Variants in SCD5 observed in about 807,000 individuals in gnomAD.
SCD5 encodes the protein acyl-CoA-desaturase 4.
Under a neutral mutation model 30.4 loss-of-function variants are expected in SCD5, and 20 were observed. The observed-to-expected ratio is 0.66, with a 90% CI of 0.46 to 0.96. The LOEUF (loss-of-function observed/expected upper bound fraction) is 0.96, where lower values mean the gene tolerates loss of function less well. Ranked by LOEUF, SCD5 falls within the 40% of genes least tolerant of loss-of-function variation. The pLI is 0.00. For synonymous variants in SCD5, 173 were observed against 176.4 expected (o/e 0.98, Z 0.16); for missense variants, 381 against 443.3 (o/e 0.86, Z 1.26).
At chr4:82,679,413 G>A (rs1471949160) in intron 3 of SCD5, among the ~76,000 whole-genome samples, 1 of 152,114 alleles carries the variant, frequency 6.6e-6, no homozygotes, top group Non-Finnish European at 1.5e-5. Context: ...GATGTACAGA[G>A]AAAACCCTAC....
chr4:82,656,641 G>C (rs1727873622), intron 3 of SCD5, among the ~76,000 whole-genome samples: 1 of 152,128 alleles, frequency 6.6e-6, no homozygotes, highest in Non-Finnish European at 1.5e-5. Flanking sequence ...GGGCCAAATG[G>C]TATTTCTGGC....
intron 1 of SCD5, among the ~76,000 whole-genome samples, chr4:82,768,387 A>C (rs1038738366): frequency 4.6e-5 from 7 of 152,200 alleles, no homozygotes; most frequent in Non-Finnish European, 1.0e-4. Flanking sequence ...TAATAGGATA[A>C]TAATTTTCAA....
intron 2 of SCD5, among the ~76,000 whole-genome samples, chr4:82,687,673 C>A (rs189924124): frequency 6.8e-4 from 103 of 152,264 alleles, no homozygotes; most frequent in Admixed American, 6.7e-3. Context: ...GATAACATAC[C>A]TAAGTGGGGT....
At chr4:82,725,934 G>A (rs1236247236) in intron 1 of SCD5, among the ~76,000 whole-genome samples, 1 of 152,168 alleles carries the variant, frequency 6.6e-6, no homozygotes, top group South Asian at 2.1e-4. Flanking sequence ...AATCCCATAG[G>A]AAGCAGGATT....
chr4:82,704,431 T>C (rs1301960338), intron 2 of SCD5, among the ~76,000 whole-genome samples: 1 of 152,168 alleles, frequency 6.6e-6, no homozygotes, highest in African/African-American at 2.4e-5. Context: ...AGATTAGGAA[T>C]TGGGAAAACA....
At chr4:82,785,184 T>C (rs1003694430) in intron 1 of SCD5, among the ~76,000 whole-genome samples, 5 of 152,174 alleles carry the variant, frequency 3.3e-5, no homozygotes, top group Non-Finnish European at 2.9e-5. Flanking sequence ...CAAAATACAC[T>C]ACTCTGGCAT....
At position 82,636,667 on chromosome 4, in the gene SCD5, G is replaced by A; in HGVS notation, c.726C>T (p.Ala242=). Residue 242 remains alanine, a synonymous_variant, in exon 4 of 5, where the codon GCC becomes GCT. Transcript: ENST00000319540. ...CATAGGGCCGGTTTCCATACATGTG[G>A]GCGGCGCTGTTGACCAGCCAGCTGA... is the stretch of plus-strand genomic sequence containing the variant. The part of the protein sequence containing the change: ...LNISWLVNSA[A]HMYGNRPYDK... 1.2e-6 allele frequency: 2 copies of A among 1,614,196 alleles called. No individual in the cohort carries two copies. The highest frequency in any genetic ancestry group is 1.7e-6 in the Non-Finnish European group (2 of 1,180,048).
At chr4:82,639,413 G>A (rs979189884) in intron 3 of SCD5, among the ~76,000 whole-genome samples, 1 of 152,242 alleles carries the variant, frequency 6.6e-6, no homozygotes, top group African/African-American at 2.4e-5. Flanking sequence ...ATGAGTTTCA[G>A]TGGATCCGAT....
At chr4:82,778,369 G>A (rs1721798159) in intron 1 of SCD5, among the ~76,000 whole-genome samples, 1 of 152,212 alleles carries the variant, frequency 6.6e-6, no homozygotes, top group Non-Finnish European at 1.5e-5. Context: ...TATTGCTACT[G>A]TAATGAACTG....
At chr4:82,755,377 G>A (rs1721213637) in intron 1 of SCD5, among the ~76,000 whole-genome samples, 1 of 152,058 alleles carries the variant, frequency 6.6e-6, no homozygotes, top group Admixed American at 6.5e-5. Context: ...GCACACGCCT[G>A]TAATTCCAGC....
At chr4:82,668,502 A>G (rs1269950059) in intron 3 of SCD5, among the ~76,000 whole-genome samples, 1 of 152,262 alleles carries the variant, frequency 6.6e-6, no homozygotes, top group Non-Finnish European at 1.5e-5. Flanking sequence ...CATCTTGAAC[A>G]TCACCTGACA....
chr4:82,660,971 A>T, intron 3 of SCD5: 2 of 1,614,202 alleles, frequency 1.2e-6, no homozygotes, highest in East Asian at 2.2e-5. Flanking sequence ...AAAATGTGTA[A>T]TCCGGGAAGG....
At chr4:82,762,159 G>A (rs1188554786) in intron 1 of SCD5, among the ~76,000 whole-genome samples, 2 of 135,398 alleles carry the variant, frequency 1.5e-5, no homozygotes, top group African/African-American at 5.3e-5. Context: ...GGGTGAGAGT[G>A]AGACCCTGTC....
At chr4:82,796,693 C>T (rs1174316234) in intron 1 of SCD5, among the ~76,000 whole-genome samples, 1 of 152,146 alleles carries the variant, frequency 6.6e-6, no homozygotes, top group African/African-American at 2.4e-5. Flanking sequence ...GCCTCAATCC[C>T]CTAGAGGTCA....
At chr4:82,674,779 CATTATT>C in intron 3 of SCD5, among the ~76,000 whole-genome samples, 2 of 152,198 alleles carry the variant, frequency 1.3e-5, no homozygotes, top group Non-Finnish European at 2.9e-5. Flanking sequence ...ACATTTTGGT[CATTATT>C]CAGCACGAAA....
intron 1 of SCD5, among the ~76,000 whole-genome samples, chr4:82,773,169 C>G (rs922643445): frequency 6.6e-6 from 1 of 152,154 alleles, no homozygotes; most frequent in Non-Finnish European, 1.5e-5. Flanking sequence ...TCCCTCCTCC[C>G]GCATTCTGCA....
intron 2 of SCD5, among the ~76,000 whole-genome samples, chr4:82,697,618 T>TG (rs1052659026): frequency 6.6e-6 from 1 of 152,138 alleles, no homozygotes; most frequent in African/African-American, 2.4e-5. Context: ...ATCTTAGGGG[T>TG]GGGGAAATTT....
intron 3 of SCD5, among the ~76,000 whole-genome samples, chr4:82,654,936 A>G (rs192861888): frequency 6.6e-6 from 1 of 152,344 alleles, no homozygotes; most frequent in East Asian, 1.9e-4. Context: ...ATTTACTGAG[A>G]TATATAAAAG....
chr4:82,739,504 G>C lies in SCD5; in HGVS notation c.233-34091C>G, dbSNP rs532663087. On this transcript the variant is annotated intron_variant, in intron 1 of 4. Coordinates refer to ENST00000319540, the MANE Select transcript of SCD5 (RefSeq NM_001037582.3). ...CCGGTGGCCTCCCCGCACTGCCCTG[G>C]AGGGAGGTCGTGGCTGGTAGAGCCA... Among the ~76,000 whole-genome samples, 82 of 152,380 alleles carry C rather than the reference G, an allele frequency of 5.4e-4. 2 individuals are homozygous for C. The highest frequency in any genetic ancestry group is 2.0e-3 in the African/African-American group (82 of 41,596).
Sources: gnomAD v4.1 joint callset for allele counts (sites outside exome capture counted in the v4.1 genomes callset) on GRCh38, gnomAD v4.1.1 for gene constraint, MANE v1.5 for transcripts, NCBI Gene and HGNC (gene_info 2026-07-23, HGNC 2026-07-21) for gene names.